LARS1: variants seen among roughly 807,000 people sequenced by gnomAD.
LARS1 encodes the protein leucine--tRNA ligase, cytoplasmic.
LARS1 carries 100 observed loss-of-function variants against 162.8 expected under a neutral mutation model. The observed-to-expected ratio is 0.61, with a 90% CI of 0.52 to 0.73. The LOEUF (loss-of-function observed/expected upper bound fraction) is 0.73. Among genes scored for constraint, LARS1 ranks in the 30% least tolerant of loss-of-function variants. The pLI is 0.00. For synonymous variants in LARS1, 457 were observed against 462.8 expected (o/e 0.99, Z 0.16); for missense variants, 1,258 against 1,408.9 (o/e 0.89, Z 1.71).
intron 7 of LARS1, 148 bp downstream of exon 7, chr5:146,160,226 T>G (rs1443778763): frequency 1.2e-5 from 5 of 413,326 alleles, no homozygotes. Flanking sequence ...TAAAGAGATG[T>G]GGTCTCGCTA....
rs1038755252 is a variant in LARS1 at position 146,143,464 on chromosome 5, G to A, written c.1825C>T (p.Leu609=). 6 of 1,613,802 alleles carry A rather than the reference G, an allele frequency of 3.7e-6. No homozygotes were observed. In the African/African-American group the frequency reaches 4.0e-5, roughly 11 times the overall value. The part of the protein sequence containing the change: ...IYMAFYTVAH[L]LQGGNLHGQA... Reference sequence around the variant, plus strand: ...CCATGCAAGTTACCCCCCTGCAATAGGTGTGCAACTGTGTAAAATGCCATG... The same window carrying A: ...CCATGCAAGTTACCCCCCTGCAATAAGTGTGCAACTGTGTAAAATGCCATG... Residue 609 remains leucine (L), a synonymous_variant, in exon 19 of 32, where the codon CTA becomes TTA. Transcript: ENST00000394434.
At position 146,181,588 on chromosome 5, in the gene LARS1, G is replaced by C. The variant is rs549349502; in HGVS notation, c.6+900C>G. Among the ~76,000 whole-genome samples, 26 of 152,074 alleles carry C rather than the reference G, an allele frequency of 1.7e-4. No individual in the cohort carries two copies. In the South Asian group the frequency reaches 5.2e-3, roughly 30 times the overall value. ...GGATCGCTTGAGCCCTAAGGTCCAG[G>C]CTGCAGTGAGCCATGATCACGCCAC... is the stretch of plus-strand genomic sequence containing the variant. On this transcript the variant is annotated intron_variant, in intron 1 of 31. Coordinates refer to ENST00000394434, the MANE Select transcript of LARS1 (RefSeq NM_020117.11).
At chr5:146,156,701 A>T (rs1753544552) in intron 10 of LARS1, among the ~76,000 whole-genome samples, 1 of 152,120 alleles carries the variant, frequency 6.6e-6, no homozygotes, top group East Asian at 1.9e-4. Flanking sequence ...TACAAAAAAA[A>T]AAATAAAAAT....
At chr5:146,181,548 G>A (rs1754842627) in intron 1 of LARS1, among the ~76,000 whole-genome samples, 1 of 151,952 alleles carries the variant, frequency 6.6e-6, no homozygotes, top group African/African-American at 2.4e-5. Flanking sequence ...CAGCTGTGGG[G>A]AGGCTGAGGT....
rs766198412 is a variant in LARS1, at chr5:146,120,448, G to A, written c.3248C>T (p.Thr1083Ile). The change falls in exon 31 of 32, where the codon ACC becomes ATC. Residue 1083 changes from threonine to isoleucine, a missense_variant. By Grantham distance (89) the Thr-to-Ile change is moderately conservative (BLOSUM62 -1). Transcript: ENST00000394434. Reference sequence around the variant, plus strand: ...ATCTCCTTGCCTGATTTCAATTTTGGTTGAGAAGTGGCCATTGGATGGCTG... The same window carrying A: ...ATCTCCTTGCCTGATTTCAATTTTGATTGAGAAGTGGCCATTGGATGGCTG... ...NPQPSNGHFSTKIEIRQGDNC... is the reference protein window; with the variant it reads ...NPQPSNGHFSIKIEIRQGDNC... 2 of 1,613,224 alleles carry A rather than the reference G, an allele frequency of 1.2e-6. No homozygotes were observed. Among genetic ancestry groups the A allele is most frequent in the Admixed American group, 1.7e-5 (1 of 59,938 alleles).
At chr5:146,158,154 T>C (rs898248905) in intron 8 of LARS1, among the ~76,000 whole-genome samples, 1 of 152,216 alleles carries the variant, frequency 6.6e-6, no homozygotes, top group African/African-American at 2.4e-5. Context: ...TACTAATGGT[T>C]AGACCCAAGG....
chr5:146,165,224 C>G (rs1255011946), intron 5 of LARS1, among the ~76,000 whole-genome samples: 1 of 152,110 alleles, frequency 6.6e-6, no homozygotes, highest in Non-Finnish European at 1.5e-5. Flanking sequence ...ATCCCAGCTA[C>G]CCTGGAGGCT....
intron 20 of LARS1, among the ~76,000 whole-genome samples, chr5:146,140,625 G>C (rs887696967): frequency 1.3e-5 from 2 of 152,218 alleles, no homozygotes; most frequent in African/African-American, 4.8e-5. Flanking sequence ...GGCCAGGAGG[G>C]TGAAGCCCCA....
At chr5:146,143,172 G>A in intron 19 of LARS1, 88 bp from the exon 20 acceptor site, 2 of 829,606 alleles carry the variant, frequency 2.4e-6, no homozygotes, top group Non-Finnish European at 3.4e-6. Context: ...ACATGGATTA[G>A]GAATCTCTTT....
At chr5:146,126,697 A>G (rs1315991715) in intron 27 of LARS1, 152 bp from the exon 28 acceptor site, 10 of 571,532 alleles carry the variant, frequency 1.7e-5, no homozygotes, top group Non-Finnish European at 2.8e-5. Flanking sequence ...GGGAAGTGAA[A>G]GCTCAATGAA....
chr5:146,127,430 T>C (rs1424629381), intron 27 of LARS1, among the ~76,000 whole-genome samples: 2 of 152,062 alleles, frequency 1.3e-5, no homozygotes, highest in African/African-American at 2.4e-5. Context: ...TTCCTGTGGA[T>C]GAAAACATAC....
Position 146,143,023 on chromosome 5 carries a change from T to G in LARS1, c.1939A>C (p.Lys647Gln). The G allele has an allele frequency of 3.1e-6, 5 of 1,614,010 alleles. No individual in the cohort carries two copies. The highest frequency in any genetic ancestry group is 4.2e-6 in the Non-Finnish European group (5 of 1,179,924). The change falls in exon 20 of 32, where the codon AAG becomes CAG. Residue 647 changes from lysine to glutamine, a missense_variant. Lys to Gln is a moderately conservative substitution (Grantham distance 53). Transcript: ENST00000394434. ...YVFFKEAPFP[K>Q]TQIAKEKLDQ... ...AATTTTTCCTTTGCAATCTGAGTCT[T>G]AGGAAATGGAGCCTCCTTGAAGAAA...
chr5:146,179,059 C>T (rs959079563), intron 1 of LARS1, among the ~76,000 whole-genome samples: 2 of 152,146 alleles, frequency 1.3e-5, no homozygotes. Context: ...TGGCGAAACC[C>T]CATTTCTACT....
At chr5:146,130,361 T>A (rs1752225857) in intron 24 of LARS1, 1 of 577,064 alleles carries the variant, frequency 1.7e-6, no homozygotes. Context: ...ATACTAATAA[T>A]TCTCAAAAAA....
intron 15 of LARS1, among the ~76,000 whole-genome samples, chr5:146,145,711 GCT>G (rs1752979563): frequency 6.6e-6 from 1 of 152,074 alleles, no homozygotes; most frequent in African/African-American, 2.4e-5. Context: ...ATGATTCACT[GCT>G]CTGTTTTTAA....
rs746368753 is a variant in LARS1 at position 146,144,646 on chromosome 5, C to G, written c.1567G>C (p.Val523Leu). 6.2e-7 allele frequency: 1 copy of G among 1,614,112 alleles called. No individual in the cohort carries two copies. Among genetic ancestry groups the G allele is most frequent in the Non-Finnish European group, 8.5e-7 (1 of 1,180,026 alleles). ...QVMSRSSDEC[V>L]VALCDQWYLD... is the part of the protein sequence containing the mutation. ...AACCACTGGTCACACAGAGCCACAA[C>G]ACATTCATCTGACGACCTGGACATC... The change falls in exon 16 of 32, where the codon GTT (valine) becomes CTT (leucine). Residue 523 changes from valine (V) to leucine (L), a missense_variant. By Grantham distance (32) the Val-to-Leu change is conservative (BLOSUM62 1). Transcript: ENST00000394434.
intron 30 of LARS1, among the ~76,000 whole-genome samples, chr5:146,121,525 A>G (rs376303072): frequency 6.6e-6 from 1 of 152,176 alleles, no homozygotes; most frequent in African/African-American, 2.4e-5. Flanking sequence ...ACACAGGCAC[A>G]CATATGTTTA....
intron 8 of LARS1, among the ~76,000 whole-genome samples, chr5:146,158,471 A>G (rs569100934): frequency 4.6e-5 from 7 of 152,338 alleles, no homozygotes; most frequent in East Asian, 1.9e-4. Flanking sequence ...ATAGGGAATC[A>G]TAAGTTCAGA....
chr5:146,180,757 C>T lies in LARS1; in HGVS notation c.6+1731G>A, dbSNP rs145363127. ...CACCAACTTGTTGTATAACCTTGAG[C>T]AAGTCATTTGATCAATCTGAGACTC... On this transcript the variant is annotated intron_variant, in intron 1 of 31. Transcript: ENST00000394434. Among the ~76,000 whole-genome samples the T allele has an allele frequency of 4.2e-3, 632 of 152,194 alleles. 4 individuals are homozygous for T. Among genetic ancestry groups the T allele is most frequent in the African/African-American group, 0.014 (591 of 41,516 alleles).
Sources: gnomAD v4.1 joint callset for allele counts (sites outside exome capture counted in the v4.1 genomes callset) on GRCh38, gnomAD v4.1.1 for gene constraint, MANE v1.5 for transcripts, NCBI Gene and HGNC (gene_info 2026-07-23, HGNC 2026-07-21) for gene names.